The following AHNAK variants were observed in gnomAD, a reference collection of about 807,000 sequenced individuals.
The protein encoded by AHNAK is neuroblast differentiation-associated protein AHNAK.
A neutral mutation model predicts 37.8 loss-of-function variants in AHNAK; 23 were observed. That is an observed-to-expected ratio of 0.61 (90% CI 0.44 to 0.86). The LOEUF is 0.86. Ranked by LOEUF, AHNAK falls within the 40% of genes least tolerant of loss-of-function variation. The pLI is 0.00. For missense variants in AHNAK, 7,411 were observed against 7,319.4 expected, an observed-to-expected ratio of 1.01 and a Z score of -0.46; for synonymous variants, 2,481 against 2,636.3, an observed-to-expected ratio of 0.94 and a Z score of 1.80.
rs1278793111 is a variant in AHNAK, at chr11:62,519,559, C to A, written c.14858G>T (p.Ser4953Ile). 1 of 1,611,272 alleles carries A rather than the reference C, an allele frequency of 6.2e-7. No homozygotes were observed. Residue 4953 changes from serine to isoleucine, a missense_variant, in exon 5 of 5, where the codon AGC becomes ATC. Coordinates refer to ENST00000378024, the MANE Select transcript of AHNAK (RefSeq NM_001620.3). ...DLKGPKVEAP[S>I]LDVHMDSPDI... ...TGGGCTGTCCATGTGTACATCTAAG[C>A]TTGGAGCTTCAACTTTGGGTCCCTT...
intron 5 of AHNAK, among the ~76,000 whole-genome samples, chr11:62,436,948 AAAAG>A (rs1023754511): frequency 3.3e-5 from 5 of 152,124 alleles, no homozygotes; most frequent in African/African-American, 9.7e-5. Context: ...CAAAAAAAAA[AAAAG>A]AAGTATAACA....
intron 5 of AHNAK, among the ~76,000 whole-genome samples, chr11:62,472,461 C>T (rs1939053638): frequency 6.6e-6 from 1 of 152,052 alleles, no homozygotes. Flanking sequence ...CTCAGCAATG[C>T]CTGCCAGAAA....
Position 62,517,147 on chromosome 11 carries a change from G to C in AHNAK, c.17270C>G (p.Ala5757Gly). The C allele has an allele frequency of 1.2e-6, 2 of 1,612,876 alleles. No homozygotes were observed. Among genetic ancestry groups the C allele is most frequent in the Non-Finnish European group, 1.7e-6 (2 of 1,179,902 alleles). ...TTTCGGTGAAGAGGCTTCGGCCTCT[G>C]CCTCTCCTTCCAGAGAGCCCAGGCT... ...KASLGSLEGE[A>G]EAEASSPKGK... Residue 5757 changes from alanine (A) to glycine (G), a missense_variant, in exon 5 of 5, where the codon GCA becomes GGA. By Grantham distance (60) the Ala-to-Gly change is moderately conservative. Coordinates refer to ENST00000378024, the MANE Select transcript of AHNAK (RefSeq NM_001620.3).
intron 4 of AHNAK, 74 bp downstream of exon 4, chr11:62,534,929 G>C (rs1008203474): frequency 6.7e-7 from 1 of 1,502,956 alleles, no homozygotes; most frequent in African/African-American, 1.4e-5. Flanking sequence ...GCACATGGAA[G>C]GCTCAGGAGT....
chr11:62,475,258 G>A (rs1044807940), intron 5 of AHNAK, among the ~76,000 whole-genome samples: 8 of 152,020 alleles, frequency 5.3e-5, no homozygotes, highest in East Asian at 1.9e-4. Flanking sequence ...AGCCGAGATC[G>A]CACCATTGCA....
At chr11:62,488,966 C>T (rs995907075) in intron 5 of AHNAK, among the ~76,000 whole-genome samples, 7 of 151,752 alleles carry the variant, frequency 4.6e-5, no homozygotes, top group South Asian at 2.1e-4. Flanking sequence ...AGCGGCCCAG[C>T]GCGGTGGCTC....
At chr11:62,491,890 T>A (rs1289646802) in intron 4 of AHNAK, 1 of 1,466,510 alleles carries the variant, frequency 6.8e-7, no homozygotes, top group Admixed American at 1.9e-5. Context: ...CAATGAGCAC[T>A]TTTCAAATGC....
Position 62,521,927 on chromosome 11 carries a change from C to T in AHNAK, c.12490G>A (p.Asp4164Asn). 2 of 1,613,282 alleles carry T rather than the reference C, an allele frequency of 1.2e-6. No homozygotes were observed. Among genetic ancestry groups the T allele is most frequent in the East Asian group, 4.5e-5 (2 of 44,818 alleles). The change falls in exon 5 of 5, where the codon GAC (aspartate) becomes AAC (asparagine). Residue 4164 changes from aspartate to asparagine, a missense_variant. By Grantham distance (23) the Asp-to-Asn change is conservative (BLOSUM62 1). Coordinates refer to ENST00000378024, the MANE Select transcript of AHNAK (RefSeq NM_001620.3). Reference sequence around the variant, plus strand: ...ATGTCCACTTTGGGGCCCTTGATGTCAACTTCAGGGCCCTTGAGGTCGCCT... The same window carrying T: ...ATGTCCACTTTGGGGCCCTTGATGTTAACTTCAGGGCCCTTGAGGTCGCCT... ...VEGDLKGPEV[D>N]IKGPKVDIDV... is the part of the protein sequence containing the mutation.
In AHNAK at chr11:62,525,177, T is replaced by G. The variant is rs583207; in HGVS notation, c.9240A>C (p.Lys3080Asn). 2.0e-5 allele frequency: 32 copies of G among 1,599,978 alleles called. No individual in the cohort carries two copies. Among genetic ancestry groups the G allele is most frequent in the Middle Eastern group, 1.7e-4 (1 of 5,980 alleles). ...GGGCTTTGATGTTCATCTCAGGCATTTTGAATTTGGGACCTTTCAACTTTC... is the reference window on the plus strand; with the variant it reads ...GGGCTTTGATGTTCATCTCAGGCATGTTGAATTTGGGACCTTTCAACTTTC... Reference protein sequence around the residue: ...PEGKLKGPKFKMPEMNIKAPK... With the variant: ...PEGKLKGPKFNMPEMNIKAPK... The change falls in exon 5 of 5, where the codon AAA becomes AAC. Residue 3080 changes from lysine (K) to asparagine (N), a missense_variant. By Grantham distance (94) the Lys-to-Asn change is moderately conservative. Coordinates refer to ENST00000378024, the MANE Select transcript of AHNAK (RefSeq NM_001620.3).
At position 62,527,102 on chromosome 11, in the gene AHNAK, G is replaced by T; in HGVS notation, c.7315C>A (p.Pro2439Thr). 6.2e-7 allele frequency: 1 copy of T among 1,614,080 alleles called. No homozygotes were observed. The change falls in exon 5 of 5, where the codon CCT becomes ACT. Residue 2439 changes from proline to threonine, a missense_variant. Transcript: ENST00000378024. Reference protein sequence around the residue: ...IEGPEGKLKGPKFKMPDMHFK... With the variant: ...IEGPEGKLKGTKFKMPDMHFK... The stretch of plus-strand genomic sequence containing the variant: ...TGCATATCAGGCATCTTGAACTTAG[G>T]GCCTTTCAATTTGCCCTCTGGTCCC...
At chr11:62,487,318 A>G (rs1467400757) in intron 5 of AHNAK, among the ~76,000 whole-genome samples, 2 of 152,244 alleles carry the variant, frequency 1.3e-5, no homozygotes, top group African/African-American at 2.4e-5. Flanking sequence ...ACATGCCCCA[A>G]CGTAGAGTAG....
chr11:62,485,024 G>A (rs1277753518), intron 5 of AHNAK, among the ~76,000 whole-genome samples: 1 of 152,054 alleles, frequency 6.6e-6, no homozygotes, highest in Non-Finnish European at 1.5e-5. Flanking sequence ...CCTGACCTCA[G>A]GTGATCTGCC....
intron 1 of AHNAK, among the ~76,000 whole-genome samples, chr11:62,538,138 CA>C (rs1015852636): frequency 1.3e-5 from 2 of 152,074 alleles, no homozygotes; most frequent in Non-Finnish European, 2.9e-5. Context: ...TACCCAGGAC[CA>C]GGGGGGTGCC....
chr11:62,482,662 G>C (rs371769599), intron 5 of AHNAK, among the ~76,000 whole-genome samples: 11 of 152,124 alleles, frequency 7.2e-5, no homozygotes, highest in South Asian at 4.1e-4. Context: ...CAGAGGGTGA[G>C]TGCTTACTGT....
intron 5 of AHNAK, among the ~76,000 whole-genome samples, chr11:62,486,057 A>G (rs997825225): frequency 2.6e-5 from 4 of 151,982 alleles, no homozygotes; most frequent in African/African-American, 7.2e-5. Context: ...AGAGAAATGA[A>G]ATGAAATTCT....
At position 62,525,939 on chromosome 11, in the gene AHNAK, T is replaced by G; in HGVS notation, c.8478A>C (p.Pro2826=). The G allele has an allele frequency of 6.2e-7, 1 of 1,614,222 alleles. No homozygotes were observed. Among genetic ancestry groups the G allele is most frequent in the Non-Finnish European group, 8.5e-7 (1 of 1,180,030 alleles). ...TCTTTGGAGTCTTAAAATGCATCTC[T>G]GGCATCTTAAACTTTGGACTTTTCC... ...GKWKSPKFKM[P]EMHFKTPKIS... The change falls in exon 5 of 5, where the codon CCA becomes CCC. Residue 2826 remains proline, a synonymous_variant. Coordinates refer to ENST00000378024, the MANE Select transcript of AHNAK (RefSeq NM_001620.3).
intron 5 of AHNAK, among the ~76,000 whole-genome samples, chr11:62,463,720 T>C (rs1039772172): frequency 6.6e-6 from 1 of 151,990 alleles, no homozygotes; most frequent in African/African-American, 2.4e-5. Context: ...TGGTTGTTTT[T>C]TTGTTTGTTT....
chr11:62,492,435 C>T (rs143100720), intron 4 of AHNAK, among the ~76,000 whole-genome samples: 124 of 152,260 alleles, frequency 8.1e-4, no homozygotes, highest in African/African-American at 2.8e-3. Context: ...CCCACCTGGC[C>T]ATGGGATTCC....
At chr11:62,472,416 C>T (rs1423605823) in intron 5 of AHNAK, among the ~76,000 whole-genome samples, 4 of 152,260 alleles carry the variant, frequency 2.6e-5, no homozygotes, top group Non-Finnish European at 5.9e-5. Context: ...TGTCCTTCCA[C>T]TCTGAGTTCT....
Sources: allele counts gnomAD v4.1 joint callset (sites outside exome capture counted in the v4.1 genomes callset), GRCh38; gene constraint gnomAD v4.1.1; transcripts MANE v1.5; gene names NCBI Gene and HGNC (gene_info 2026-07-23, HGNC 2026-07-21).